RORA: variants seen among roughly 807,000 people sequenced by gnomAD.
RORA encodes the protein nuclear receptor ROR-alpha.
RORA carries 7 observed loss-of-function variants against 69.5 expected under a neutral mutation model. That is an observed-to-expected ratio of 0.10 (90% CI 0.06 to 0.19). The LOEUF is 0.19. RORA is among the 10% of genes least tolerant of loss of function. RORA has a pLI of 1.00. For missense variants in RORA, 457 were observed against 663.0 expected (o/e 0.69, Z 3.41); for synonymous variants, 261 against 240.8 (o/e 1.08, Z -0.78).
chr15:61,031,647 G>C (rs1330381305), intron 1 of RORA, among the ~76,000 whole-genome samples: 3 of 152,068 alleles, frequency 2.0e-5, no homozygotes, highest in African/African-American at 7.2e-5. Flanking sequence ...CTGTTCAGTG[G>C]AAAAAAATAT....
chr15:61,227,204 C>G (rs541517447), intron 1 of RORA, among the ~76,000 whole-genome samples: 86 of 106,696 alleles, frequency 8.1e-4, no homozygotes, highest in African/African-American at 2.4e-3. Flanking sequence ...TATGTCCCCC[C>G]CATTCCAAAA....
intron 1 of RORA, among the ~76,000 whole-genome samples, chr15:60,993,054 T>A (rs1477372262): frequency 6.6e-6 from 1 of 152,204 alleles, no homozygotes; most frequent in African/African-American, 2.4e-5. Flanking sequence ...TACTTGTCCT[T>A]GGCATTGGTT....
intron 1 of RORA, among the ~76,000 whole-genome samples, chr15:61,208,842 G>A (rs191053101): frequency 2.4e-4 from 36 of 152,194 alleles, no homozygotes; most frequent in Middle Eastern, 3.4e-3. Context: ...AACACTCAGG[G>A]CATTAACCAT....
At position 61,207,570 on chromosome 15, in the gene RORA, C is replaced by G. The variant is rs192610157; in HGVS notation, c.166+21483G>C. ...TTCTCTTTAAAGAAATCAACAGCCCCAAGACTTAGCTCAGTCCTCTTCTCA... is the reference window on the plus strand; with the variant it reads ...TTCTCTTTAAAGAAATCAACAGCCCGAAGACTTAGCTCAGTCCTCTTCTCA... On this transcript the variant is annotated intron_variant, in intron 1 of 10. Coordinates refer to ENST00000335670, the MANE Select transcript of RORA (RefSeq NM_134261.3). Among the ~76,000 whole-genome samples, 275 of 152,344 alleles carry G rather than the reference C, an allele frequency of 1.8e-3. 2 individuals are homozygous for G. The highest frequency in any genetic ancestry group is 6.4e-3 in the African/African-American group (265 of 41,578).
In RORA at chr15:60,731,149, C is replaced by A. The variant is rs2071424468; in HGVS notation, c.167-52463G>T. On this transcript the variant is annotated intron_variant, in intron 1 of 10. Transcript: ENST00000335670. Reference sequence around the variant, plus strand: ...ATCTTTAACTCAAGAAACTTGTGAACTTTGGTGAGCCATATGGAGTAAACA... The same window carrying A: ...ATCTTTAACTCAAGAAACTTGTGAAATTTGGTGAGCCATATGGAGTAAACA... Among the ~76,000 whole-genome samples, 3 of 152,274 alleles carry A rather than the reference C, an allele frequency of 2.0e-5. No homozygotes were observed. The South Asian group carries it at 6.2e-4, about 32-fold the overall frequency.
intron 1 of RORA, among the ~76,000 whole-genome samples, chr15:61,118,376 A>G (rs1353359475): frequency 6.6e-6 from 1 of 152,198 alleles, no homozygotes; most frequent in Non-Finnish European, 1.5e-5. Flanking sequence ...ATTATTTTCC[A>G]TGGTGAGAAA....
rs549513107 is a variant in RORA at position 60,727,002 on chromosome 15, A to C, written c.167-48316T>G. 2.0e-5 allele frequency among the ~76,000 whole-genome samples: 3 copies of C among 152,290 alleles called. No individual in the cohort carries two copies. The East Asian group carries it at 5.8e-4, about 29-fold the overall frequency. ...GAGCAGTAATAACTTTCACATTCAC[A>C]ATCATTTTGATCGCAAACTCCTGTG... On this transcript the variant is annotated intron_variant, in intron 1 of 10. Coordinates refer to ENST00000335670, the MANE Select transcript of RORA (RefSeq NM_134261.3).
intron 1 of RORA, among the ~76,000 whole-genome samples, chr15:60,727,697 G>A (rs2071378704): frequency 6.6e-6 from 1 of 152,134 alleles, no homozygotes; most frequent in South Asian, 2.1e-4. Flanking sequence ...TGGCGTGAAA[G>A]TGAAAAGAAT....
intron 1 of RORA, among the ~76,000 whole-genome samples, chr15:60,926,505 G>A (rs968313091): frequency 2.0e-5 from 3 of 152,184 alleles, no homozygotes; most frequent in Non-Finnish European, 4.4e-5. Flanking sequence ...ACAGAACATC[G>A]AATGACATTT....
At chr15:60,561,150 C>T (rs964765498) in intron 2 of RORA, among the ~76,000 whole-genome samples, 5 of 146,640 alleles carry the variant, frequency 3.4e-5, no homozygotes, top group East Asian at 2.0e-4. Context: ...GGCGCGATCT[C>T]GGCTCACTGC....
At chr15:60,772,220 C>A (rs572071097) in intron 1 of RORA, among the ~76,000 whole-genome samples, 49 of 152,180 alleles carry the variant, frequency 3.2e-4, no homozygotes, top group African/African-American at 1.1e-3. Context: ...CCCCCACCCC[C>A]CTGACAGGCC....
At chr15:61,094,525 G>C (rs563162480) in intron 1 of RORA, among the ~76,000 whole-genome samples, 9 of 152,172 alleles carry the variant, frequency 5.9e-5, no homozygotes, top group Non-Finnish European at 1.0e-4. Context: ...CCATGGGAAA[G>C]AGTTTCATCA....
chr15:60,739,905 C>G (rs540315650), intron 1 of RORA, among the ~76,000 whole-genome samples: 71 of 152,198 alleles, frequency 4.7e-4, no homozygotes, highest in African/African-American at 1.7e-3. Context: ...TTTTTCCTCT[C>G]CTGAAAGAAA....
At chr15:60,622,960 C>T (rs926151521) in intron 2 of RORA, among the ~76,000 whole-genome samples, 16 of 152,180 alleles carry the variant, frequency 1.1e-4, no homozygotes, top group African/African-American at 3.6e-4. Context: ...AGGTGATCCA[C>T]CCGCCTCAGT....
chr15:60,849,592 G>A (rs929357296), intron 1 of RORA, among the ~76,000 whole-genome samples: 7 of 152,180 alleles, frequency 4.6e-5, no homozygotes, highest in African/African-American at 1.4e-4. Context: ...GGGGCCAAAC[G>A]AGTGGTGGGG....
intron 1 of RORA, among the ~76,000 whole-genome samples, chr15:60,840,552 T>C (rs559992531): frequency 6.6e-6 from 1 of 152,372 alleles, no homozygotes; most frequent in East Asian, 1.9e-4. Context: ...TTCAGGACTC[T>C]GGACCTCAGG....
At chr15:61,039,030 G>T (rs1355682842) in intron 1 of RORA, 2 of 152,206 alleles carry the variant, frequency 1.3e-5, no homozygotes, top group African/African-American at 2.4e-5. Context: ...GCCTGTGGGA[G>T]ACTCACGGGA....
At chr15:60,830,701 C>G (rs972060681) in intron 1 of RORA, among the ~76,000 whole-genome samples, 4 of 152,182 alleles carry the variant, frequency 2.6e-5, no homozygotes, top group African/African-American at 9.6e-5. Flanking sequence ...CTCCTCAAAG[C>G]TACTAATTCA....
intron 1 of RORA, among the ~76,000 whole-genome samples, chr15:61,152,075 C>A (rs1036637995): frequency 6.6e-6 from 1 of 152,148 alleles, no homozygotes; most frequent in Non-Finnish European, 1.5e-5. Context: ...TCTCTATATG[C>A]AAACTAAAAA....
Sources: allele counts gnomAD v4.1 joint callset (sites outside exome capture counted in the v4.1 genomes callset), GRCh38; gene constraint gnomAD v4.1.1; transcripts MANE v1.5; gene names NCBI Gene and HGNC (gene_info 2026-07-23, HGNC 2026-07-21).